CFI: variants seen among roughly 807,000 people sequenced by gnomAD.
CFI encodes complement factor I, also known as C3B/C4B inactivator.
CFI carries 66 observed loss-of-function variants against 78.8 expected under a neutral mutation model. The observed-to-expected ratio is 0.84, with a 90% CI of 0.69 to 1.03. CFI has a LOEUF of 1.03. Among genes scored for constraint, CFI ranks in the 50% least tolerant of loss-of-function variants. CFI has a pLI of 0.00. For missense variants in CFI, 706 were observed against 704.5 expected (o/e 1.00, Z -0.02); for synonymous variants, 250 against 232.6 (o/e 1.07, Z -0.68).
chr4:109,748,612 A>G (rs1341030626), intron 10 of CFI, among the ~76,000 whole-genome samples: 3 of 152,162 alleles, frequency 2.0e-5, no homozygotes, highest in African/African-American at 7.2e-5. Context: ...AGGGGAAACA[A>G]TATATGAAGG....
intron 3 of CFI, chr4:109,764,220 C>T (rs1727440489): frequency 2.5e-6 from 1 of 397,076 alleles, no homozygotes; most frequent in African/African-American, 2.1e-5. Flanking sequence ...ATAAACTATA[C>T]TAAGTGTGAA....
At chr4:109,745,778 A>T (rs1355891019) in intron 11 of CFI, among the ~76,000 whole-genome samples, 1 of 152,050 alleles carries the variant, frequency 6.6e-6, no homozygotes, top group Non-Finnish European at 1.5e-5. Context: ...TTTTACCCAC[A>T]TCTCCCCAAC....
intron 1 of CFI, among the ~76,000 whole-genome samples, chr4:109,776,060 T>A (rs1399343312): frequency 2.6e-5 from 4 of 152,190 alleles, no homozygotes; most frequent in Non-Finnish European, 5.9e-5. Flanking sequence ...CTGAAAATTC[T>A]AAAAATCAGA....
chr4:109,771,478 G>C lies in CFI; in HGVS notation c.58-4654C>G, dbSNP rs576586314. Among the ~76,000 whole-genome samples the C allele has an allele frequency of 1.3e-4, 19 of 151,408 alleles. No individual in the cohort carries two copies. In the South Asian group the frequency reaches 3.6e-3, roughly 28 times the overall value. On this transcript the variant is annotated intron_variant, in intron 1 of 12. Transcript: ENST00000394634. ...CCAGCACTTTGGGATGCTGAGGCAG[G>C]CAGATTGCCTGAGGTCAGCAGTTTG...
intron 1 of CFI, among the ~76,000 whole-genome samples, chr4:109,800,896 T>C (rs573936230): frequency 2.0e-5 from 3 of 152,320 alleles, no homozygotes; most frequent in Non-Finnish European, 1.5e-5. Flanking sequence ...TATACAATAA[T>C]TTAACCAGTG....
chr4:109,752,517 A>G lies in CFI; in HGVS notation c.905-14T>C, dbSNP rs1424252513. 4 of 1,606,242 alleles carry G rather than the reference A, an allele frequency of 2.5e-6. No individual in the cohort carries two copies. Among genetic ancestry groups the G allele is most frequent in the East Asian group, 4.5e-5 (2 of 44,742 alleles). On this transcript the variant is annotated splice_polypyrimidine_tract_variant and intron_variant, in intron 7 of 12. Coordinates refer to ENST00000394634, the MANE Select transcript of CFI (RefSeq NM_000204.5). ...TTTCTGTTTCTTCTATGATAAAACAAAAGATTCCAATGTTTAAAGTTGTTA... is the reference window on the plus strand; with the variant it reads ...TTTCTGTTTCTTCTATGATAAAACAGAAGATTCCAATGTTTAAAGTTGTTA...
At chr4:109,753,055 T>A (rs375278346) in intron 7 of CFI, among the ~76,000 whole-genome samples, 18 of 6,026 alleles carry the variant, frequency 3.0e-3, no homozygotes, top group Admixed American at 4.6e-3. Context: ...TTATTATATA[T>A]TTATATATAA....
At position 109,741,053 on chromosome 4, in the gene CFI, C is replaced by T; in HGVS notation, c.1592G>A (p.Cys531Tyr). Reference sequence around the variant, plus strand: ...ATAAGTCACATTGTTGGCATCCATACAGACTAAGGGGCCTCCAGAGTCCCC... The same window carrying T: ...ATAAGTCACATTGTTGGCATCCATATAGACTAAGGGGCCTCCAGAGTCCCC... Reference protein sequence around the residue: ...CKGDSGGPLVCMDANNVTYVW... With the variant: ...CKGDSGGPLVYMDANNVTYVW... The change falls in exon 13 of 13, where the codon TGT becomes TAT. Residue 531 changes from cysteine (C) to tyrosine (Y), a missense_variant. Transcript: ENST00000394634. 1.9e-6 allele frequency: 3 copies of T among 1,614,208 alleles called. No homozygotes were observed. Among genetic ancestry groups the T allele is most frequent in the Non-Finnish European group, 2.5e-6 (3 of 1,180,020 alleles).
chr4:109,769,559 G>C (rs1220445071), intron 1 of CFI, among the ~76,000 whole-genome samples: 4 of 152,168 alleles, frequency 2.6e-5, no homozygotes, highest in Non-Finnish European at 5.9e-5. Flanking sequence ...CAAGGTGGGG[G>C]TTAGAGCCAA....
chr4:109,786,103 T>C (rs1187797575), intron 1 of CFI, among the ~76,000 whole-genome samples: 1 of 151,922 alleles, frequency 6.6e-6, no homozygotes, highest in Non-Finnish European at 1.5e-5. Context: ...CAATTTCAGC[T>C]CACTGCAACT....
chr4:109,764,475 A>G, intron 3 of CFI, 62 bp downstream of exon 3: 4 of 1,573,654 alleles, frequency 2.5e-6, no homozygotes, highest in Non-Finnish European at 3.5e-6. Flanking sequence ...AGGTTAGGTA[A>G]TCAAAAAGCA....
chr4:109,785,647 T>C (rs1195689437), intron 1 of CFI, among the ~76,000 whole-genome samples: 1 of 152,068 alleles, frequency 6.6e-6, no homozygotes, highest in Non-Finnish European at 1.5e-5. Context: ...GGTGATATGG[T>C]TAGGCTTTGT....
chr4:109,744,278 A>T (rs1310707722), intron 11 of CFI, among the ~76,000 whole-genome samples: 2 of 152,170 alleles, frequency 1.3e-5, no homozygotes, highest in Non-Finnish European at 2.9e-5. Context: ...TCTGGTGAAG[A>T]TATATACTGG....
chr4:109,780,304 A>C (rs1324572940), intron 1 of CFI, among the ~76,000 whole-genome samples: 1 of 152,166 alleles, frequency 6.6e-6, no homozygotes, highest in Non-Finnish European at 1.5e-5. Context: ...TTACAAGAAA[A>C]AATAAAAAAA....
At chr4:109,746,775 A>G (rs1724521145) in intron 10 of CFI, among the ~76,000 whole-genome samples, 1 of 152,190 alleles carries the variant, frequency 6.6e-6, no homozygotes, top group African/African-American at 2.4e-5. Context: ...AAGTGGAATG[A>G]GTTTGCTGCC....
At position 109,799,182 on chromosome 4, in the gene CFI, GT is replaced by G. The variant is rs1456895693; in HGVS notation, c.57+2732del. Among the ~76,000 whole-genome samples, 3 of 152,154 alleles carry G rather than the reference GT, an allele frequency of 2.0e-5. No homozygotes were observed. The East Asian group carries it at 5.8e-4, about 29-fold the overall frequency. On this transcript the variant is annotated intron_variant, in intron 1 of 12. Transcript: ENST00000394634. ...TGCCCTAATTTTCCATAGGATCTTA[GT>G]TTTTCCCCATGCTTTGGTGCTCTGT...
rs1283414167 is a variant in CFI, at chr4:109,766,581, A to G, written c.301T>C (p.Leu101=). Residue 101 remains leucine (L), a synonymous_variant, in exon 2 of 13, where the codon TTA becomes CTA. Coordinates refer to ENST00000394634, the MANE Select transcript of CFI (RefSeq NM_000204.5). ...LECLHPGTKF[L]NNGTCTAEGK... ...TCGGCTGTGCATGTTCCGTTATTTAAAAACTTTGTCCCTGGATGAAGACAT... is the reference window on the plus strand; with the variant it reads ...TCGGCTGTGCATGTTCCGTTATTTAGAAACTTTGTCCCTGGATGAAGACAT... 6.2e-7 allele frequency: 1 copy of G among 1,614,088 alleles called. No individual in the cohort carries two copies. Among genetic ancestry groups the G allele is most frequent in the Non-Finnish European group, 8.5e-7 (1 of 1,180,032 alleles).
intron 1 of CFI, among the ~76,000 whole-genome samples, chr4:109,783,633 A>C (rs1044419278): frequency 5.9e-5 from 9 of 151,898 alleles, no homozygotes; most frequent in African/African-American, 2.2e-4. Flanking sequence ...TTAAAGGACT[A>C]AAAGTAGAAC....
chr4:109,768,049 A>G (rs1728007549), intron 1 of CFI, among the ~76,000 whole-genome samples: 1 of 147,672 alleles, frequency 6.8e-6, no homozygotes, highest in Non-Finnish European at 1.5e-5. Context: ...ACCAAACACC[A>G]CATCGTCTCA....
Sources: allele counts gnomAD v4.1 joint callset (sites outside exome capture counted in the v4.1 genomes callset), GRCh38; gene constraint gnomAD v4.1.1; transcripts MANE v1.5; gene names NCBI Gene and HGNC (gene_info 2026-07-23, HGNC 2026-07-21).